PDE7B: variants seen among roughly 807,000 people sequenced by gnomAD.
PDE7B encodes phosphodiesterase 7B, also known as 3',5'-cyclic-AMP phosphodiesterase 7B.
In PDE7B, 29 loss-of-function variants were observed where a neutral mutation model predicts 56.2. The ratio of observed to expected loss-of-function variants is 0.52; its 90% CI spans 0.38 to 0.70. The LOEUF is 0.70. Among genes scored for constraint, PDE7B ranks in the 30% least tolerant of loss-of-function variants. PDE7B has a pLI of 0.00. For missense variants in PDE7B, 490 were observed against 565.0 expected (o/e 0.87, Z 1.35); for synonymous variants, 197 against 196.9 (o/e 1.00, Z 0.00).
chr6:135,956,830 GAGAA>G (rs928046478), intron 2 of PDE7B, among the ~76,000 whole-genome samples: 6 of 149,804 alleles, frequency 4.0e-5, no homozygotes, highest in African/African-American at 1.5e-4. Context: ...AGGAAAGAAA[GAGAA>G]AGGAAGAAAG....
intron 3 of PDE7B, among the ~76,000 whole-genome samples, chr6:136,118,954 C>T (rs946906829): frequency 6.6e-6 from 1 of 152,130 alleles, no homozygotes; most frequent in Non-Finnish European, 1.5e-5. Flanking sequence ...GTGGAAGACG[C>T]CAAATGACAG....
chr6:135,940,656 T>C (rs1056107163), intron 1 of PDE7B, among the ~76,000 whole-genome samples: 1 of 152,324 alleles, frequency 6.6e-6, no homozygotes, highest in East Asian at 1.9e-4. Context: ...CAGTTCTTGG[T>C]TGGGGAAAAG....
intron 3 of PDE7B, among the ~76,000 whole-genome samples, chr6:136,143,199 G>A (rs1778356869): frequency 6.6e-6 from 1 of 151,770 alleles, no homozygotes; most frequent in Non-Finnish European, 1.5e-5. Flanking sequence ...TAATTACTGG[G>A]GTTTTTTAAA....
intron 1 of PDE7B, among the ~76,000 whole-genome samples, chr6:135,930,563 A>C (rs1388607102): frequency 6.6e-6 from 1 of 152,138 alleles, no homozygotes; most frequent in Non-Finnish European, 1.5e-5. Flanking sequence ...CCCATGGTAG[A>C]ATAAGGAAAG....
Position 136,047,670 on chromosome 6 carries a change from A to G in PDE7B, c.83-61061A>G, listed in dbSNP as rs563091498. ...ACTGAACTTCTTATGCTAAACAGTA[A>G]GCATCAACCAAATAGGTGTTATTTC... is the stretch of plus-strand genomic sequence containing the variant. On this transcript the variant is annotated intron_variant, in intron 2 of 12. Transcript: ENST00000308191. 2.0e-3 allele frequency among the ~76,000 whole-genome samples: 305 copies of G among 152,344 alleles called. 2 individuals carry two copies. Among genetic ancestry groups the G allele is most frequent in the Middle Eastern group, 6.8e-3 (2 of 294 alleles).
At chr6:136,077,060 G>A (rs1459092877) in intron 2 of PDE7B, among the ~76,000 whole-genome samples, 1 of 145,746 alleles carries the variant, frequency 6.9e-6, no homozygotes, top group Admixed American at 6.9e-5. Context: ...CCTGGAGGAT[G>A]TGTTCCACCA....
rs775580519 is a variant in PDE7B at position 136,143,804 on chromosome 6, A to G, written c.167-3547A>G. On this transcript the variant is annotated intron_variant, in intron 3 of 12. Transcript: ENST00000308191. ...TATGTCACTTAATTTCAATGTCATT[A>G]TCTTAACTATGAATCTTCCTAAAGT... is the stretch of plus-strand genomic sequence containing the variant. 1.7e-4 allele frequency among the ~76,000 whole-genome samples: 26 copies of G among 152,208 alleles called. No homozygotes were observed. The Middle Eastern group carries it at 0.01, about 60-fold the overall frequency.
chr6:136,145,509 G>A (rs1213327052), intron 3 of PDE7B, among the ~76,000 whole-genome samples: 7 of 152,292 alleles, frequency 4.6e-5, no homozygotes, highest in Admixed American at 4.6e-4. Context: ...CTGGGTGCTA[G>A]AAGTGCTCGT....
chr6:135,979,762 G>C (rs1250070767), intron 2 of PDE7B, among the ~76,000 whole-genome samples: 1 of 152,070 alleles, frequency 6.6e-6, no homozygotes, highest in Non-Finnish European at 1.5e-5. Flanking sequence ...TCTTCAAGGA[G>C]AACTACAAAC....
chr6:135,984,997 C>G (rs1775353012), intron 2 of PDE7B, among the ~76,000 whole-genome samples: 1 of 152,052 alleles, frequency 6.6e-6, no homozygotes, highest in Non-Finnish European at 1.5e-5. Flanking sequence ...ATGGGAAGAA[C>G]TGTGAAGAAC....
At chr6:135,971,409 G>A (rs974307798) in intron 2 of PDE7B, among the ~76,000 whole-genome samples, 1 of 152,118 alleles carries the variant, frequency 6.6e-6, no homozygotes, top group Non-Finnish European at 1.5e-5. Context: ...TGTTACAGCA[G>A]CCCTAGCGTC....
chr6:136,103,793 C>T (rs1777602319), intron 2 of PDE7B, among the ~76,000 whole-genome samples: 1 of 152,110 alleles, frequency 6.6e-6, no homozygotes, highest in Non-Finnish European at 1.5e-5. Context: ...CCATGGAAGC[C>T]CAGTAGCTAC....
chr6:136,151,238 C>T lies in PDE7B; in HGVS notation c.461C>T (p.Thr154Ile), dbSNP rs759529026. The T allele has an allele frequency of 1.3e-6, 2 of 1,593,734 alleles. No individual in the cohort carries two copies. Among genetic ancestry groups the T allele is most frequent in the Non-Finnish European group, 1.7e-6 (2 of 1,161,758 alleles). Residue 154 changes from threonine (T) to isoleucine (I), a missense_variant, in exon 6 of 13, where the codon ACC (threonine) becomes ATC (isoleucine). By Grantham distance (89) the Thr-to-Ile change is moderately conservative. Transcript: ENST00000308191. ...CACCATTTCAAGTTAGATATGGTGA[C>T]CTTACACCGATTTTTAGGTAAGTCC... ...LIHHFKLDMV[T>I]LHRFLVMVQE...
rs1406591939 is a variant in PDE7B at position 135,878,532 on chromosome 6, A to G, written c.21+26513A>G. ...TAGATATTTGTCTACAGATGTCGCT[A>G]TTACAAAGAATGCAATAAACATTAT... On this transcript the variant is annotated intron_variant, in intron 1 of 12. Transcript: ENST00000308191. Among the ~76,000 whole-genome samples the G allele has an allele frequency of 2.6e-5, 4 of 152,230 alleles. No individual in the cohort carries two copies. In the South Asian group the frequency reaches 8.3e-4, roughly 31 times the overall value.
chr6:136,046,462 C>G (rs936450570), intron 2 of PDE7B: 14 of 152,198 alleles, frequency 9.2e-5, no homozygotes, highest in African/African-American at 3.4e-4. Flanking sequence ...GAATAAATAC[C>G]TTGCCACTCT....
intron 2 of PDE7B, among the ~76,000 whole-genome samples, chr6:135,973,936 T>G (rs1460297551): frequency 1.3e-5 from 2 of 152,166 alleles, no homozygotes; most frequent in African/African-American, 4.8e-5. Flanking sequence ...CCCCCACTCA[T>G]AAGAGCAGGA....
At chr6:136,150,408 A>G (rs1051743455) in intron 5 of PDE7B, among the ~76,000 whole-genome samples, 7 of 152,146 alleles carry the variant, frequency 4.6e-5, no homozygotes, top group Non-Finnish European at 7.4e-5. Flanking sequence ...TGAGGGTCTA[A>G]TTTAATTCTT....
intron 2 of PDE7B, among the ~76,000 whole-genome samples, chr6:135,991,737 A>T (rs993391654): frequency 2.6e-5 from 4 of 152,192 alleles, no homozygotes; most frequent in African/African-American, 9.7e-5. Flanking sequence ...ACAAGACAAA[A>T]CCAGCTGAAG....
At chr6:135,898,893 A>G (rs1258450641) in intron 1 of PDE7B, among the ~76,000 whole-genome samples, 1 of 152,178 alleles carries the variant, frequency 6.6e-6, no homozygotes, top group East Asian at 1.9e-4. Context: ...ATGTTACCAA[A>G]TTACATATGA....
Sources: allele counts gnomAD v4.1 joint callset (sites outside exome capture counted in the v4.1 genomes callset), GRCh38; gene constraint gnomAD v4.1.1; transcripts MANE v1.5; gene names NCBI Gene and HGNC (gene_info 2026-07-23, HGNC 2026-07-21).